MICAL3: variants seen among roughly 807,000 people sequenced by gnomAD.
MICAL3 encodes the protein microtubule associated monooxygenase, calponin and LIM domain containing 3.
In MICAL3, 62 loss-of-function variants were observed where a neutral mutation model predicts 207.4. The ratio of observed to expected loss-of-function variants is 0.30; its 90% CI spans 0.24 to 0.37. MICAL3 has a LOEUF of 0.37. Among genes scored for constraint, MICAL3 ranks in the 10% least tolerant of loss-of-function variants. The pLI is 1.00. For synonymous variants in MICAL3, 1,077 were observed against 1,069.3 expected (o/e 1.01, Z -0.14); for missense variants, 2,368 against 2,635.6 (o/e 0.90, Z 2.22).
chr22:18,018,765 TATCTAC>T (rs71320636), intron 1 of MICAL3, among the ~76,000 whole-genome samples: 15 of 127,716 alleles, frequency 1.2e-4, no homozygotes, highest in African/African-American at 3.4e-4. Flanking sequence ...TCTATCTATC[TATCTAC>T]ACACACACAC....
At position 17,887,214 on chromosome 22, in the gene MICAL3, A is replaced by C; in HGVS notation, c.2023T>G (p.Leu675Val). ...TTTCTCCTCTTCCCAGCACCATCCA[A>C]GTCCTTTTCCTTTTTATCCTGTACC... ...RSPKDKKEKD[L>V]DGAGKRRKTS... The change falls in exon 15 of 32, where the codon TTG (leucine) becomes GTG (valine). Residue 675 changes from leucine (L) to valine (V), a missense_variant. Physicochemically the swap from Leu to Val is conservative, Grantham distance 32. Coordinates refer to ENST00000441493, the MANE Select transcript of MICAL3 (RefSeq NM_015241.3). 1 of 1,613,682 alleles carries C rather than the reference A, an allele frequency of 6.2e-7. No homozygotes were observed. The highest frequency in any genetic ancestry group is 8.5e-7 in the Non-Finnish European group (1 of 1,179,784).
At chr22:17,917,496 T>C (rs114664795) in intron 1 of MICAL3, among the ~76,000 whole-genome samples, 2,000 of 152,258 alleles carry the variant, frequency 0.013, 41 homozygotes, top group African/African-American at 0.045. Context: ...ATCATCCTCA[T>C]TGAGACACCA....
chr22:17,849,643 AATGTGTGTGTGTGT>A lies in MICAL3; in HGVS notation c.2606-7640_2606-7627del, dbSNP rs1382876791. Among the ~76,000 whole-genome samples, 791 of 120,224 alleles carry A rather than the reference AATGTGTGTGTGTGT, an allele frequency of 6.6e-3. 16 individuals are homozygous for A. The highest frequency in any genetic ancestry group is 0.024 in the African/African-American group (740 of 30,760). The allele number at this position is 120,224 out of a possible 152,430, so 78.9% of individuals were successfully genotyped here. ...AGCCACTGTGCCTGGCCCAGAATGG[AATGTGTGTGTGTGT>A]GTGTGTGTGTGTGTGTGTGTGTGTG... is the stretch of plus-strand genomic sequence containing the variant. On this transcript the variant is annotated intron_variant, in intron 19 of 31. Transcript: ENST00000441493.
At chr22:17,911,196 G>A (rs1985102739) in intron 1 of MICAL3, among the ~76,000 whole-genome samples, 2 of 152,158 alleles carry the variant, frequency 1.3e-5, no homozygotes, top group African/African-American at 4.8e-5. Context: ...CGCAGGACAT[G>A]GTTATGTTTC....
intron 13 of MICAL3, among the ~76,000 whole-genome samples, chr22:17,887,936 G>C (rs1453410377): frequency 6.6e-6 from 1 of 152,178 alleles, no homozygotes; most frequent in Non-Finnish European, 1.5e-5. Flanking sequence ...GCTTTCTGTT[G>C]TAAGAACGTC....
Position 17,902,088 on chromosome 22 carries a change from A to C in MICAL3, c.590-109T>G. ...AACTGCACAAAACCCTGGGCCAAAA[A>C]CACTATGTGTAGAAGCAGTGGAGAC... On this transcript the variant is annotated intron_variant, in intron 4 of 31. Coordinates refer to ENST00000441493, the MANE Select transcript of MICAL3 (RefSeq NM_015241.3). This position sits in a 1 kb window ranked among gnomAD's most constrained non-coding sequence, Gnocchi z 4.5. 1.4e-6 allele frequency: 1 copy of C among 735,004 alleles called. No individual in the cohort carries two copies. The allele number at this position is 735,004 out of a possible 1,614,324, so 45.5% of individuals were successfully genotyped here.
Position 17,817,929 on chromosome 22 carries a change from G to A in MICAL3, c.4732C>T (p.Gln1578Ter). Residue 1578 changes from glutamine to a stop codon, truncating the protein, a stop_gained, in exon 26 of 32, where the codon CAG becomes TAG. Coordinates refer to ENST00000441493, the MANE Select transcript of MICAL3 (RefSeq NM_015241.3). LOFTEE classifies it high-confidence loss of function. ...LPALEGTLQPQKRGLPLVSAE... is the reference protein window; with the variant it reads ...LPALEGTLQP The stretch of plus-strand genomic sequence containing the variant: ...GACACCAAGGGCAGCCCCCTCTTCT[G>A]TGGCTGCAGCGTCCCCTCCAGAGCA... 6.2e-7 allele frequency: 1 copy of A among 1,612,452 alleles called. No individual in the cohort carries two copies. The highest frequency in any genetic ancestry group is 1.7e-4 in the Middle Eastern group (1 of 6,060).
chr22:17,817,709 G>T lies in MICAL3; in HGVS notation c.4952C>A (p.Thr1651Lys). ...CTCGGAGCCCCTGAGAGTGGGGCGT[G>T]TGGGGGAGTCAGGCCGGCGCTCCTT... The part of the protein sequence containing the change: ...QGKERRPDSP[T>K]RPTLRGSEEP... The change falls in exon 26 of 32, where the codon ACA (threonine) becomes AAA (lysine). Residue 1651 changes from threonine (T) to lysine (K), a missense_variant. Around this residue, in one of 4 missense-constraint regions of MICAL3, gnomAD observed 1,770 missense variants for 1,863.2 expected, o/e 0.95. Coordinates refer to ENST00000441493, the MANE Select transcript of MICAL3 (RefSeq NM_015241.3). 1 of 1,598,626 alleles carries T rather than the reference G, an allele frequency of 6.3e-7. No homozygotes were observed. The highest frequency in any genetic ancestry group is 8.5e-7 in the Non-Finnish European group (1 of 1,173,632).
At chr22:17,945,103 T>C (rs1045362349) in intron 1 of MICAL3, among the ~76,000 whole-genome samples, 6 of 151,148 alleles carry the variant, frequency 4.0e-5, no homozygotes, top group African/African-American at 1.5e-4. Flanking sequence ...ACTCAGTCTA[T>C]ACCTATTAGG....
rs542378429 is a variant in MICAL3, at chr22:17,991,189, T to G, written c.-75+33092A>C. Reference sequence around the variant, plus strand: ...CATGTGCCGCACCAACAGGCCCAGATGACAGGCCTGGGAGGCTGCAGGCAG... The same window carrying G: ...CATGTGCCGCACCAACAGGCCCAGAGGACAGGCCTGGGAGGCTGCAGGCAG... On this transcript the variant is annotated intron_variant, in intron 1 of 31. Transcript: ENST00000441493. Among the ~76,000 whole-genome samples, 4 of 152,222 alleles carry G rather than the reference T, an allele frequency of 2.6e-5. No homozygotes were observed. In the East Asian group the frequency reaches 7.7e-4, roughly 29 times the overall value.
intron 7 of MICAL3, 50 bp downstream of exon 7, chr22:17,899,398 A>G (rs1329948848): frequency 1.7e-6 from 2 of 1,175,926 alleles, no homozygotes; most frequent in Non-Finnish European, 2.5e-6. Context: ...TCTCTTGGTG[A>G]TATTAACCAC....
At chr22:17,865,798 G>C (rs950456864) in intron 18 of MICAL3, 126 bp downstream of exon 18, 8 of 740,118 alleles carry the variant, frequency 1.1e-5, no homozygotes, top group African/African-American at 3.4e-5. Context: ...ACTGCATTTC[G>C]GGCCCTCCCC....
chr22:17,794,703 G>A (rs545326597), intron 29 of MICAL3, among the ~76,000 whole-genome samples: 55 of 152,334 alleles, frequency 3.6e-4, no homozygotes, highest in African/African-American at 1.2e-3. Flanking sequence ...TGAGACCAAA[G>A]GGGTGAGCTG....
intron 1 of MICAL3, among the ~76,000 whole-genome samples, chr22:17,967,328 G>A (rs1935184702): frequency 6.6e-6 from 1 of 151,824 alleles, no homozygotes; most frequent in South Asian, 2.1e-4. Context: ...TTTGTATTCT[G>A]TTCATCACAA....
intron 16 of MICAL3, chr22:17,872,709 C>T: frequency 8.0e-7 from 1 of 1,256,562 alleles, no homozygotes. Context: ...CATGGCTGTG[C>T]TGGGTCTAGC....
In MICAL3 at chr22:17,940,651, C is replaced by A. The variant is rs544352998; in HGVS notation, c.-74-33765G>T. Reference sequence around the variant, plus strand: ...GAAAGAGGCAAAGGTAGGGTAAATCCAAGAATATATCATAAAAACAAAAGC... The same window carrying A: ...GAAAGAGGCAAAGGTAGGGTAAATCAAAGAATATATCATAAAAACAAAAGC... On this transcript the variant is annotated intron_variant, in intron 1 of 31. Coordinates refer to ENST00000441493, the MANE Select transcript of MICAL3 (RefSeq NM_015241.3). Among the ~76,000 whole-genome samples, 9 of 151,940 alleles carry A rather than the reference C, an allele frequency of 5.9e-5. No homozygotes were observed. The South Asian group carries it at 1.9e-3, about 32-fold the overall frequency.
intron 1 of MICAL3, among the ~76,000 whole-genome samples, chr22:17,982,119 A>T (rs1569156473): frequency 1.3e-5 from 2 of 151,970 alleles, no homozygotes; most frequent in East Asian, 1.9e-4. Flanking sequence ...AATAAAAAAA[A>T]AAAAATTAAT....
intron 13 of MICAL3, 61 bp from the exon 14 acceptor site, chr22:17,887,496 C>A: frequency 9.5e-7 from 1 of 1,054,376 alleles, no homozygotes; most frequent in African/African-American, 1.6e-5. Context: ...AAATCCTGAC[C>A]AAAACTACTC....
intron 1 of MICAL3, among the ~76,000 whole-genome samples, chr22:17,937,665 A>G (rs1398299797): frequency 6.6e-6 from 1 of 152,234 alleles, no homozygotes; most frequent in Non-Finnish European, 1.5e-5. Flanking sequence ...CTCCGTCTCA[A>G]AATAATAATT....
Sources: gnomAD v4.1 joint callset for allele counts (sites outside exome capture counted in the v4.1 genomes callset) on GRCh38, gnomAD v4.1.1 for gene constraint, gnomAD v4.1.1 regional missense constraint, Gnocchi (gnomAD v3.1) non-coding constraint, MANE v1.5 for transcripts, NCBI Gene and HGNC (gene_info 2026-07-23, HGNC 2026-07-21) for gene names.